The following CELF2 variants were observed in gnomAD, a reference collection of about 807,000 sequenced individuals.
The protein encoded by CELF2 is CUG triplet repeat RNA-binding protein 2.
CELF2 carries 8 observed loss-of-function variants against 62.6 expected under a neutral mutation model. The observed-to-expected ratio is 0.13, with a 90% CI of 0.07 to 0.23. The LOEUF (loss-of-function observed/expected upper bound fraction) is 0.23, where lower values mean the gene tolerates loss of function less well. CELF2 is among the 10% of genes least tolerant of loss of function. The probability of loss-of-function intolerance (pLI) is 1.00; values close to 1 mark genes in which losing one functional copy is unlikely to be tolerated. For missense variants in CELF2, 333 were observed against 671.0 expected, an observed-to-expected ratio of 0.50 and a Z score of 5.56; for synonymous variants, 258 against 250.0, an observed-to-expected ratio of 1.03 and a Z score of -0.30.
intron 9 of CELF2, among the ~76,000 whole-genome samples, chr10:11,304,012 C>T (rs912427671): frequency 3.3e-5 from 5 of 152,210 alleles, no homozygotes; most frequent in East Asian, 3.9e-4. Context: ...ATTCCCAGTA[C>T]GGTGGAGCTG....
the CELF2 span, among the ~76,000 whole-genome samples, chr10:10,562,484 G>A: frequency 0.14 from 20,952 of 152,148 alleles, 1,605 homozygotes; most frequent in East Asian, 0.23. Flanking sequence ...TTTAAATAGG[G>A]TGAGAGTGAA....
the CELF2 span, among the ~76,000 whole-genome samples, chr10:10,640,663 A>T: frequency 6.6e-6 from 1 of 152,198 alleles, no homozygotes; most frequent in African/African-American, 2.4e-5. Context: ...CACTCAGTAA[A>T]TATTTGTTGG....
intron 2 of CELF2, among the ~76,000 whole-genome samples, chr10:11,204,393 A>G (rs1159621365): frequency 1.3e-5 from 2 of 152,180 alleles, no homozygotes; most frequent in African/African-American, 2.4e-5. Flanking sequence ...TTTTACCCCT[A>G]GGAACCTGAA....
At chr10:10,655,312 A>C in the CELF2 span, among the ~76,000 whole-genome samples, 2 of 132,714 alleles carry the variant, frequency 1.5e-5, no homozygotes, top group Non-Finnish European at 3.3e-5. Context: ...TAATTTACAG[A>C]TTCAATGCCA....
chr10:10,513,493 C>G, the CELF2 span, among the ~76,000 whole-genome samples: 2 of 152,152 alleles, frequency 1.3e-5, no homozygotes, highest in Non-Finnish European at 2.9e-5. Flanking sequence ...TATAATCCTC[C>G]TCCTTCATCC....
At chr10:10,749,327 T>TA in the CELF2 span, among the ~76,000 whole-genome samples, 1 of 152,284 alleles carries the variant, frequency 6.6e-6, no homozygotes, top group African/African-American at 2.4e-5. Flanking sequence ...CTACTCCCTC[T>TA]ATAATAAATA....
chr10:11,143,373 T>A (rs1042599315), intron 1 of CELF2, among the ~76,000 whole-genome samples: 31 of 152,204 alleles, frequency 2.0e-4, no homozygotes, highest in African/African-American at 5.8e-4. Flanking sequence ...GAAAAACAAA[T>A]TCACTTTGTT....
intron 9 of CELF2, among the ~76,000 whole-genome samples, chr10:11,312,990 A>G (rs2094658564): frequency 6.6e-6 from 1 of 152,236 alleles, no homozygotes; most frequent in African/African-American, 2.4e-5. Flanking sequence ...AAATAGGACA[A>G]AATCTAAATA....
chr10:11,294,155 C>T (rs17453918), intron 9 of CELF2, among the ~76,000 whole-genome samples: 2 of 152,094 alleles, frequency 1.3e-5, no homozygotes, highest in Non-Finnish European at 2.9e-5. Flanking sequence ...TCTGATGTCA[C>T]GATATAGAAT....
intron 3 of CELF2, among the ~76,000 whole-genome samples, chr10:11,236,173 A>G (rs996418069): frequency 1.3e-5 from 2 of 152,246 alleles, no homozygotes; most frequent in African/African-American, 4.8e-5. Flanking sequence ...AGAATACGAA[A>G]TTCAGTAGTG....
the CELF2 span, among the ~76,000 whole-genome samples, chr10:10,591,696 T>G: frequency 6.6e-6 from 1 of 152,218 alleles, no homozygotes; most frequent in African/African-American, 2.4e-5. Flanking sequence ...AAACTGACTT[T>G]GATTAGAACA....
At chr10:10,847,998 C>T (rs2059124053) in intron 1 of CELF2, among the ~76,000 whole-genome samples, 2 of 152,246 alleles carry the variant, frequency 1.3e-5, no homozygotes, top group African/African-American at 4.8e-5. Context: ...GATGGTCTCC[C>T]TTCTCTTTTT....
At chr10:10,534,338 T>A in the CELF2 span, among the ~76,000 whole-genome samples, 1 of 152,088 alleles carries the variant, frequency 6.6e-6, no homozygotes, top group Non-Finnish European at 1.5e-5. Context: ...GCAAAATAAT[T>A]TGAGGCAACT....
chr10:11,169,489 CGGAAG>C (rs2068188531), intron 2 of CELF2, among the ~76,000 whole-genome samples: 2 of 152,058 alleles, frequency 1.3e-5, no homozygotes, highest in African/African-American at 4.8e-5. Context: ...CATGCAGGTG[CGGAAG>C]TGCAGGGCAA....
At position 11,112,445 on chromosome 10, in the gene CELF2, A is replaced by G. The variant is rs78825817; in HGVS notation, c.75-53041A>G. On this transcript the variant is annotated intron_variant, in intron 1 of 12. Coordinates refer to ENST00000633077, the MANE Select transcript of CELF2 (RefSeq NM_001326342.2). The stretch of plus-strand genomic sequence containing the variant: ...TTCCTAGTGACGTATATGTACACAC[A>G]TACACAGTACACACGTGTGTGTCAC... Among the ~76,000 whole-genome samples the G allele has an allele frequency of 2.6e-3, 400 of 152,336 alleles. 2 individuals are homozygous for G. Among genetic ancestry groups the G allele is most frequent in the Middle Eastern group, 0.01 (3 of 294 alleles).
intron 2 of CELF2, among the ~76,000 whole-genome samples, chr10:10,982,579 C>G (rs1295924691): frequency 6.6e-6 from 1 of 152,186 alleles, no homozygotes; most frequent in Admixed American, 6.5e-5. Context: ...GGAATGAGGT[C>G]CAGGAAAGAG....
At chr10:10,987,113 G>T (rs1419538708) in intron 2 of CELF2, among the ~76,000 whole-genome samples, 1 of 152,174 alleles carries the variant, frequency 6.6e-6, no homozygotes, top group Non-Finnish European at 1.5e-5. Flanking sequence ...CTTGAATCAT[G>T]TCACAAGGTA....
chr10:11,184,790 G>T (rs568307301), intron 2 of CELF2, among the ~76,000 whole-genome samples: 6 of 152,246 alleles, frequency 3.9e-5, no homozygotes, highest in Admixed American at 2.6e-4. Flanking sequence ...CTTTTTTAAA[G>T]AGTCTGTTGG....
chr10:10,527,404 G>A, the CELF2 span, among the ~76,000 whole-genome samples: 1 of 144,108 alleles, frequency 6.9e-6, no homozygotes, highest in African/African-American at 2.6e-5. Context: ...CTAAGTTCAT[G>A]CCACTGCTTT....
Sources: gnomAD v4.1 joint callset for allele counts (sites outside exome capture counted in the v4.1 genomes callset) on GRCh38, gnomAD v4.1.1 for gene constraint, MANE v1.5 for transcripts, NCBI Gene and HGNC (gene_info 2026-07-23, HGNC 2026-07-21) for gene names.